Variants in AATK observed in about 807,000 individuals in gnomAD.
The protein encoded by AATK is serine/threonine-protein kinase LMTK1.
In AATK, 91 loss-of-function variants were observed where a neutral mutation model predicts 114.3. The ratio of observed to expected loss-of-function variants is 0.80; its 90% CI spans 0.67 to 0.95. AATK has a LOEUF of 0.95. AATK is among the 40% of genes least tolerant of loss of function. AATK has a pLI of 0.00. For synonymous variants in AATK, 1,075 were observed against 916.5 expected (o/e 1.17, Z -3.12); for missense variants, 2,176 against 1,965.2 (o/e 1.11, Z -2.03).
chr17:81,166,086 C>A lies in AATK; in HGVS notation c.-94G>T. The A allele has an allele frequency of 1.1e-6, 1 of 878,024 alleles. No individual in the cohort carries two copies. Among genetic ancestry groups the A allele is most frequent in the Non-Finnish European group, 1.4e-6 (1 of 710,776 alleles). 54.4% of individuals were successfully genotyped at this position (878,024 alleles called of 1,614,324 possible). On this transcript the variant is annotated 5_prime_UTR_variant, in exon 1 of 14. Transcript: ENST00000326724. ...AGCCGCCGCATCACCCAGCGGCCGC[C>A]GCAGGTGCGGAGCGCGCCGGCCCCC... is the stretch of plus-strand genomic sequence containing the variant.
At chr17:81,137,232 T>C (rs1276539996) in intron 1 of AATK, among the ~76,000 whole-genome samples, 2 of 148,544 alleles carry the variant, frequency 1.3e-5, no homozygotes, top group African/African-American at 2.5e-5. Flanking sequence ...CACTCCAGCC[T>C]GGGTGACAGA....
intron 2 of AATK, chr17:81,133,298 C>A: frequency 2.2e-6 from 1 of 449,664 alleles, no homozygotes; most frequent in Non-Finnish European, 4.5e-6. Flanking sequence ...CCTGCCAGGC[C>A]AGCGGGACAG....
At chr17:81,143,937 A>G (rs1296770301) in intron 1 of AATK, among the ~76,000 whole-genome samples, 3 of 152,138 alleles carry the variant, frequency 2.0e-5, no homozygotes, top group African/African-American at 4.8e-5. Flanking sequence ...TTCCCCCCAC[A>G]ACAGCAGGTG....
intron 1 of AATK, among the ~76,000 whole-genome samples, chr17:81,138,433 A>C (rs1282254789): frequency 1.5e-5 from 2 of 133,212 alleles, no homozygotes; most frequent in Non-Finnish European, 3.2e-5. Flanking sequence ...ATACACATGC[A>C]AACACACCCA....
chr17:81,153,855 G>C (rs1673894839), intron 1 of AATK, among the ~76,000 whole-genome samples: 1 of 152,160 alleles, frequency 6.6e-6, no homozygotes, highest in Admixed American at 6.5e-5. Context: ...TGGACCACCT[G>C]AGGTCAGGAG....
In AATK at chr17:81,134,450, G is replaced by C; in HGVS notation, c.107C>G (p.Ala36Gly). ...GGCGAAGAGCCCGGAGAAAGACACA[G>C]CCACCACGGCGAGGGAGGATGGCCA... ...LSWPSSLAVV[A>G]VSFSGLFAVI... is the part of the protein sequence containing the mutation. The change falls in exon 2 of 14, where the codon GCT becomes GGT. Residue 36 changes from alanine to glycine, a missense_variant. By Grantham distance (60) the Ala-to-Gly change is moderately conservative. Coordinates refer to ENST00000326724, the MANE Select transcript of AATK (RefSeq NM_001080395.3). The C allele has an allele frequency of 1.2e-6, 2 of 1,613,206 alleles. No homozygotes were observed. The highest frequency in any genetic ancestry group is 1.7e-6 in the Non-Finnish European group (2 of 1,179,784).
At chr17:81,136,652 C>T (rs1248055463) in intron 1 of AATK, among the ~76,000 whole-genome samples, 1 of 152,206 alleles carries the variant, frequency 6.6e-6, no homozygotes, top group Admixed American at 6.5e-5. Flanking sequence ...TGCTGGGCGG[C>T]CATGGGGGGT....
In AATK at chr17:81,132,025, G is replaced by A. The variant is rs1364849311; in HGVS notation, c.190-820C>T. 4 of 1,304,590 alleles carry A rather than the reference G, an allele frequency of 3.1e-6. No individual in the cohort carries two copies. In the East Asian group the frequency reaches 2.2e-4, roughly 72 times the overall value. The allele number at this position is 1,304,590 out of a possible 1,614,324, so 80.8% of individuals were successfully genotyped here. A position where few individuals can be genotyped will look rare whatever the true frequency, so the allele number is the denominator to read the frequency against. ...CCTAGGGCTGGGCCACTCCCTGCCA[G>A]GCTGCTATTTTGAAATGTAGAGGCT... On this transcript the variant is annotated intron_variant, in intron 2 of 13. Transcript: ENST00000326724.
At position 81,119,960 on chromosome 17, in the gene AATK, G is replaced by A; in HGVS notation, c.3859C>T (p.Pro1287Ser). 6.9e-7 allele frequency: 1 copy of A among 1,450,118 alleles called. No individual in the cohort carries two copies. The allele number at this position is 1,450,118 out of a possible 1,614,324, so 89.8% of individuals were successfully genotyped here. A position where few individuals can be genotyped will look rare whatever the true frequency, so the allele number is the denominator to read the frequency against. The change falls in exon 12 of 14, where the codon CCA becomes TCA. Residue 1287 changes from proline (P) to serine (S), a missense_variant. Pro to Ser is a moderately conservative substitution (Grantham distance 74). Transcript: ENST00000326724. ...CCCTCTTCCGCTGTGGAGCCATTTGGGGAGCCATCAGCCTGCTGCGGCCGG... is the reference window on the plus strand; with the variant it reads ...CCCTCTTCCGCTGTGGAGCCATTTGAGGAGCCATCAGCCTGCTGCGGCCGG... ...PNRPQQADGS[P>S]NGSTAEEGGG...
At chr17:81,137,842 CATGTGT>C (rs1324449276) in intron 1 of AATK, among the ~76,000 whole-genome samples, 4 of 152,070 alleles carry the variant, frequency 2.6e-5, no homozygotes, top group Non-Finnish European at 4.4e-5. Flanking sequence ...CACACATATG[CATGTGT>C]ATATATCACA....
rs987978486 is a variant in AATK at position 81,122,448 on chromosome 17, A to G, written c.1488T>C (p.Pro496=). 8 of 1,455,296 alleles carry G rather than the reference A, an allele frequency of 5.5e-6. No homozygotes were observed. The highest frequency in any genetic ancestry group is 4.5e-6 in the Non-Finnish European group (5 of 1,102,644). 90.1% of individuals were successfully genotyped at this position (1,455,296 alleles called of 1,614,324 possible). A position where few individuals can be genotyped will look rare whatever the true frequency, so the allele number is the denominator to read the frequency against. Reference sequence around the variant, plus strand: ...GCTCCTGCAGGCGTGCGGTGCGGCCAGGGCTCAGCGTGGCCGGGAAGGCCT... The same window carrying G: ...GCTCCTGCAGGCGTGCGGTGCGGCCGGGGCTCAGCGTGGCCGGGAAGGCCT... ...GAEAFPATLS[P]GRTARLQELC... The change falls in exon 11 of 14, where the codon CCT becomes CCC. Residue 496 remains proline, a synonymous_variant. Coordinates refer to ENST00000326724, the MANE Select transcript of AATK (RefSeq NM_001080395.3).
intron 2 of AATK, among the ~76,000 whole-genome samples, chr17:81,132,493 G>A (rs574324776): frequency 1.8e-4 from 27 of 152,186 alleles, no homozygotes; most frequent in Non-Finnish European, 3.7e-4. Context: ...GGTGCTGCGT[G>A]GGCAACTTCC....
chr17:81,148,826 A>C (rs1389510229), intron 1 of AATK, among the ~76,000 whole-genome samples: 2 of 152,110 alleles, frequency 1.3e-5, no homozygotes, highest in Non-Finnish European at 2.9e-5. Flanking sequence ...ACTCACGCAC[A>C]CACCCTTGCC....
In AATK at chr17:81,134,382, C is replaced by T. The variant is rs771531293; in HGVS notation, c.175G>A (p.Gly59Ser). The T allele has an allele frequency of 3.0e-5, 49 of 1,613,084 alleles. No homozygotes were observed. The East Asian group carries it at 5.8e-4, about 19-fold the overall frequency. ...MLACLCCKKG[G>S]IGFKEFENAE... is the part of the protein sequence containing the mutation. ...CCAGGCCTCACCTTGAACCCGATAC[C>T]GCCCTTCTTACAGCACAGGCAGGCC... is the stretch of plus-strand genomic sequence containing the variant. The change falls in exon 2 of 14, where the codon GGT becomes AGT. Residue 59 changes from glycine (G) to serine (S), a missense_variant. Gly to Ser is a moderately conservative substitution (Grantham distance 56). Around this residue, in one of 4 missense-constraint regions of AATK, gnomAD observed 178 missense variants for 175.4 expected, o/e 1.01. Coordinates refer to ENST00000326724, the MANE Select transcript of AATK (RefSeq NM_001080395.3).
At chr17:81,119,235 CGGGAAGGAG>C (rs2146276753) in intron 13 of AATK, 136 bp downstream of exon 13, 2 of 212,694 alleles carry the variant, frequency 9.4e-6, no homozygotes, top group Non-Finnish European at 7.0e-6. Context: ...GGTCTGGGGC[CGGGAAGGAG>C]CGGGGCCGGG....
At chr17:81,140,848 CGTGGGGCT>C (rs1232631428) in intron 1 of AATK, among the ~76,000 whole-genome samples, 26 of 105,678 alleles carry the variant, frequency 2.5e-4, no homozygotes, top group East Asian at 2.0e-3. Context: ...GGCCGTGAGC[CGTGGGGCT>C]GTGGGGCCGT....
intron 1 of AATK, among the ~76,000 whole-genome samples, chr17:81,138,350 C>A (rs572815230): frequency 1.1e-4 from 17 of 150,772 alleles, no homozygotes; most frequent in African/African-American, 4.2e-4. Context: ...CCCACACATA[C>A]CCACGCACAC....
intron 3 of AATK, among the ~76,000 whole-genome samples, chr17:81,129,200 G>C (rs1388855152): frequency 6.6e-6 from 1 of 152,232 alleles, no homozygotes; most frequent in African/African-American, 2.4e-5. Flanking sequence ...ACAGGCCTGG[G>C]TCTGAGCCTG....
chr17:81,137,257 TAAAAAA>T lies in AATK; in HGVS notation c.56-2762_56-2757del, dbSNP rs57760563. The stretch of plus-strand genomic sequence containing the variant: ...TGGGTGACAGAGTAAGACTCCGCCT[TAAAAAA>T]AAAAAAAAAAGGAATTACTACCACC... On this transcript the variant is annotated intron_variant, in intron 1 of 13. Transcript: ENST00000326724. 2.0e-3 allele frequency among the ~76,000 whole-genome samples: 264 copies of T among 132,958 alleles called. 6 individuals carry two copies. The highest frequency in any genetic ancestry group is 0.011 in the Middle Eastern group (3 of 262). The allele number at this position is 132,958 out of a possible 152,430, so 87.2% of individuals were successfully genotyped here.
Sources: gnomAD v4.1 joint callset for allele counts (sites outside exome capture counted in the v4.1 genomes callset) on GRCh38, gnomAD v4.1.1 for gene constraint, gnomAD v4.1.1 regional missense constraint, MANE v1.5 for transcripts, NCBI Gene and HGNC (gene_info 2026-07-23, HGNC 2026-07-21) for gene names.